CSMD3: variants seen among roughly 807,000 people sequenced by gnomAD.
CSMD3 encodes the protein CUB and sushi domain-containing protein 3.
Under a neutral mutation model 435.2 loss-of-function variants are expected in CSMD3, and 177 were observed. The ratio of observed to expected loss-of-function variants is 0.41; its 90% CI spans 0.36 to 0.46. The LOEUF (loss-of-function observed/expected upper bound fraction) is 0.46, where lower values mean the gene tolerates loss of function less well. Ranked by LOEUF, CSMD3 falls within the 20% of genes least tolerant of loss-of-function variation. CSMD3 has a pLI of 0.34. For missense variants in CSMD3, 4,265 were observed against 4,504.6 expected, an observed-to-expected ratio of 0.95 and a Z score of 1.52; for synonymous variants, 1,656 against 1,520.5, an observed-to-expected ratio of 1.09 and a Z score of -2.07.
chr8:112,484,089 C>T (rs1190086284), intron 31 of CSMD3, among the ~76,000 whole-genome samples: 1 of 152,140 alleles, frequency 6.6e-6, no homozygotes. Flanking sequence ...TGTTATTCCA[C>T]CTCAGACTTC....
chr8:113,232,260 C>T (rs72687671), intron 3 of CSMD3, among the ~76,000 whole-genome samples: 9,967 of 151,484 alleles, frequency 0.066, 446 homozygotes, highest in Non-Finnish European at 0.094. Context: ...TAATAATCAC[C>T]ACATTTTCAC....
chr8:112,276,726 T>C (rs185207280), intron 59 of CSMD3, among the ~76,000 whole-genome samples: 1 of 152,198 alleles, frequency 6.6e-6, no homozygotes, highest in East Asian at 1.9e-4. Context: ...AGCAAACTTC[T>C]GCCTGGACGT....
At chr8:113,206,796 C>T (rs16884414) in intron 3 of CSMD3, among the ~76,000 whole-genome samples, 3,319 of 152,246 alleles carry the variant, frequency 0.022, 135 homozygotes, top group African/African-American at 0.076. Flanking sequence ...TCAATTATTT[C>T]TCTATTGATG....
intron 3 of CSMD3, among the ~76,000 whole-genome samples, chr8:113,181,813 T>C (rs2131933353): frequency 6.6e-6 from 1 of 152,164 alleles, no homozygotes; most frequent in South Asian, 2.1e-4. Context: ...TAATGTTGCA[T>C]TTAGCACAGA....
At chr8:113,007,590 T>C (rs138349442) in intron 6 of CSMD3, among the ~76,000 whole-genome samples, 11 of 152,040 alleles carry the variant, frequency 7.2e-5, no homozygotes, top group African/African-American at 2.6e-4. Flanking sequence ...AGATATATAT[T>C]TCTGTTGTGT....
intron 12 of CSMD3, among the ~76,000 whole-genome samples, chr8:112,823,286 C>G (rs2079579929): frequency 1.3e-5 from 2 of 152,100 alleles, no homozygotes; most frequent in South Asian, 4.1e-4. Flanking sequence ...GGTTGGTACT[C>G]TAATAATTAT....
chr8:112,883,132 A>T (rs1050726774), intron 10 of CSMD3, among the ~76,000 whole-genome samples: 4 of 152,100 alleles, frequency 2.6e-5, no homozygotes, highest in African/African-American at 9.6e-5. Context: ...TAAAATGTTC[A>T]CACATATCTG....
Position 112,892,604 on chromosome 8 carries a change from A to T in CSMD3, c.1633+29023T>A, listed in dbSNP as rs1447995757. On this transcript the variant is annotated intron_variant, in intron 10 of 70. Coordinates refer to ENST00000297405, the MANE Select transcript of CSMD3 (RefSeq NM_198123.2). Reference sequence around the variant, plus strand: ...GAAAGTGCTTTATGGAAACATCAACACCTACTGCCAGCACTTTTGTACTTA... The same window carrying T: ...GAAAGTGCTTTATGGAAACATCAACTCCTACTGCCAGCACTTTTGTACTTA... Among the ~76,000 whole-genome samples the T allele has an allele frequency of 2.0e-5, 3 of 151,514 alleles. No homozygotes were observed. The East Asian group carries it at 5.9e-4, about 30-fold the overall frequency.
intron 36 of CSMD3, among the ~76,000 whole-genome samples, chr8:112,389,721 G>C (rs1279244865): frequency 1.3e-5 from 2 of 152,014 alleles, no homozygotes; most frequent in African/African-American, 4.8e-5. Flanking sequence ...AGTTTCTAAA[G>C]AAAAACTCTA....
chr8:113,241,856 A>AG (rs2093221517), intron 3 of CSMD3, among the ~76,000 whole-genome samples: 2 of 151,852 alleles, frequency 1.3e-5, no homozygotes, highest in African/African-American at 4.8e-5. Flanking sequence ...TACTGACACC[A>AG]GAAAAGAGCT....
chr8:112,796,122 C>T (rs530735021), intron 13 of CSMD3, among the ~76,000 whole-genome samples: 3 of 152,192 alleles, frequency 2.0e-5, no homozygotes, highest in Admixed American at 6.6e-5. Context: ...TGTTCTCCTG[C>T]TCTTCACACT....
At chr8:112,934,941 T>G (rs979754593) in intron 9 of CSMD3, among the ~76,000 whole-genome samples, 1 of 152,206 alleles carries the variant, frequency 6.6e-6, no homozygotes, top group African/African-American at 2.4e-5. Context: ...TTTGTTTTTT[T>G]GCCTGTGCTT....
At chr8:112,455,072 C>G (rs184504077) in intron 32 of CSMD3, among the ~76,000 whole-genome samples, 53 of 151,660 alleles carry the variant, frequency 3.5e-4, no homozygotes, top group Middle Eastern at 3.4e-3. Context: ...ACCATTTGAC[C>G]CAGGAATCCC....
At chr8:112,907,994 TA>T (rs2082308813) in intron 10 of CSMD3, among the ~76,000 whole-genome samples, 1 of 151,352 alleles carries the variant, frequency 6.6e-6, no homozygotes, top group African/African-American at 2.4e-5. Flanking sequence ...CTATGTTACA[TA>T]CTACATTTCT....
At chr8:112,560,468 A>T (rs2131245039) in intron 24 of CSMD3, among the ~76,000 whole-genome samples, 1 of 151,878 alleles carries the variant, frequency 6.6e-6, no homozygotes, top group Non-Finnish European at 1.5e-5. Context: ...TCTTAGAAAC[A>T]ATTATTTCTA....
chr8:112,532,061 G>A (rs1489134614), intron 27 of CSMD3, among the ~76,000 whole-genome samples: 1 of 151,712 alleles, frequency 6.6e-6, no homozygotes, highest in Non-Finnish European at 1.5e-5. Context: ...ACCTAGAGAT[G>A]AAAAATACAA....
chr8:112,480,558 G>A (rs927959768), intron 31 of CSMD3, among the ~76,000 whole-genome samples: 5 of 152,076 alleles, frequency 3.3e-5, no homozygotes, highest in African/African-American at 1.2e-4. Context: ...TGAATGGCTT[G>A]GTGCTATCCT....
intron 16 of CSMD3, among the ~76,000 whole-genome samples, chr8:112,677,070 G>T (rs1054350498): frequency 1.3e-5 from 2 of 152,012 alleles, no homozygotes; most frequent in Admixed American, 1.3e-4. Flanking sequence ...AATGTCAATC[G>T]AAAACCATCA....
At chr8:112,477,314 G>T (rs1423454422) in intron 31 of CSMD3, among the ~76,000 whole-genome samples, 1 of 152,108 alleles carries the variant, frequency 6.6e-6, no homozygotes, top group Non-Finnish European at 1.5e-5. Context: ...TATATCCAAT[G>T]GTAAGATGCT....
Sources: gnomAD v4.1 joint callset for allele counts (sites outside exome capture counted in the v4.1 genomes callset) on GRCh38, gnomAD v4.1.1 for gene constraint, MANE v1.5 for transcripts, NCBI Gene and HGNC (gene_info 2026-07-23, HGNC 2026-07-21) for gene names.